Variants in SLC24A4 observed in about 807,000 individuals in gnomAD.
SLC24A4 encodes solute carrier family 24 member 4.
In SLC24A4, 53 loss-of-function variants were observed where a neutral mutation model predicts 79.0. The observed-to-expected ratio is 0.67, with a 90% CI of 0.54 to 0.84. The LOEUF is 0.84. Among genes scored for constraint, SLC24A4 ranks in the 40% least tolerant of loss-of-function variants. SLC24A4 has a pLI of 0.00. For missense variants in SLC24A4, 731 were observed against 822.0 expected, an observed-to-expected ratio of 0.89 and a Z score of 1.35; for synonymous variants, 323 against 323.8, an observed-to-expected ratio of 1.00 and a Z score of 0.03.
At chr14:92,327,966 T>G (rs1885245783) in intron 2 of SLC24A4, among the ~76,000 whole-genome samples, 1 of 152,256 alleles carries the variant, frequency 6.6e-6, no homozygotes, top group Non-Finnish European at 1.5e-5. Flanking sequence ...AATGATGGAA[T>G]GAAAGTGCAT....
At chr14:92,445,107 C>G (rs906661975) in intron 7 of SLC24A4, among the ~76,000 whole-genome samples, 1 of 152,158 alleles carries the variant, frequency 6.6e-6, no homozygotes, top group Non-Finnish European at 1.5e-5. Context: ...CTGGGGGTGG[C>G]CATGCTAAGC....
At chr14:92,484,852 T>C (rs1895267712) in intron 13 of SLC24A4, 1 of 985,450 alleles carries the variant, frequency 1.0e-6, no homozygotes, top group Non-Finnish European at 1.2e-6. Flanking sequence ...GATTACCTGG[T>C]AACAGTCAGA....
At chr14:92,474,825 A>ATGTGTGTGTG (rs762949686) in intron 12 of SLC24A4, among the ~76,000 whole-genome samples, 829 of 31,674 alleles carry the variant, frequency 0.026, 36 homozygotes, top group African/African-American at 0.067. Flanking sequence ...ATATATACAT[A>ATGTGTGTGTG]TATATGTGTG....
At chr14:92,469,785 A>G (rs1423352318) in intron 12 of SLC24A4, among the ~76,000 whole-genome samples, 1 of 152,208 alleles carries the variant, frequency 6.6e-6, no homozygotes, top group East Asian at 1.9e-4. Flanking sequence ...AGCCTAGGAA[A>G]TATATGCTCA....
intron 2 of SLC24A4, among the ~76,000 whole-genome samples, chr14:92,409,738 A>C (rs28489606): frequency 0.11 from 16,082 of 152,148 alleles, 1,557 homozygotes; most frequent in African/African-American, 0.25. Context: ...TATGCACACA[A>C]GTCTTTATTG....
chr14:92,448,673 G>A (rs1162796790), intron 9 of SLC24A4, among the ~76,000 whole-genome samples: 2 of 152,170 alleles, frequency 1.3e-5, no homozygotes, highest in East Asian at 3.9e-4. Flanking sequence ...TGCAGGAGGT[G>A]CCCGTGAGCA....
intron 2 of SLC24A4, among the ~76,000 whole-genome samples, chr14:92,360,601 T>C (rs1887452479): frequency 6.6e-6 from 1 of 152,254 alleles, no homozygotes; most frequent in Admixed American, 6.5e-5. Context: ...CCTGTATACA[T>C]GCGTCCATTT....
At chr14:92,488,139 T>A (rs1895480953) in intron 14 of SLC24A4, among the ~76,000 whole-genome samples, 1 of 150,724 alleles carries the variant, frequency 6.6e-6, no homozygotes, top group African/African-American at 2.4e-5. Flanking sequence ...TGGCGTGATC[T>A]CGGCTTACTG....
chr14:92,378,620 ATGTGGACTGACAG>A (rs1487787804), intron 2 of SLC24A4, among the ~76,000 whole-genome samples: 5 of 152,224 alleles, frequency 3.3e-5, no homozygotes, highest in Non-Finnish European at 7.3e-5. Context: ...TTTGTCAGAT[ATGTGGACTGACAG>A]TGTCTCCTTA....
chr14:92,420,259 A>G (rs964969418), intron 2 of SLC24A4, among the ~76,000 whole-genome samples: 1 of 152,204 alleles, frequency 6.6e-6, no homozygotes, highest in Admixed American at 6.5e-5. Flanking sequence ...AGGCAGGTGG[A>G]TCATGAGGTC....
At chr14:92,393,854 T>TA (rs975542154) in intron 2 of SLC24A4, among the ~76,000 whole-genome samples, 1 of 151,768 alleles carries the variant, frequency 6.6e-6, no homozygotes, top group Admixed American at 6.6e-5. Context: ...CTACTAAAAA[T>TA]ACAAAAATTA....
At chr14:92,405,153 G>A (rs1297963039) in intron 2 of SLC24A4, among the ~76,000 whole-genome samples, 2 of 152,038 alleles carry the variant, frequency 1.3e-5, no homozygotes, top group Non-Finnish European at 1.5e-5. Flanking sequence ...ACCTCTCTGT[G>A]CCCTTGACTC....
chr14:92,443,633 C>T (rs948392410), intron 7 of SLC24A4, among the ~76,000 whole-genome samples, 159 bp downstream of exon 7: 1 of 152,176 alleles, frequency 6.6e-6, no homozygotes, highest in Non-Finnish European at 1.5e-5. Context: ...TGACCAGCGC[C>T]CCGACCCCCA....
intron 2 of SLC24A4, among the ~76,000 whole-genome samples, chr14:92,388,578 C>G (rs1889296952): frequency 6.6e-6 from 1 of 152,214 alleles, no homozygotes; most frequent in Non-Finnish European, 1.5e-5. Flanking sequence ...CTCGCTGTCT[C>G]TGTTGGGGTG....
chr14:92,383,573 C>T (rs1322712897), intron 2 of SLC24A4, among the ~76,000 whole-genome samples: 1 of 152,212 alleles, frequency 6.6e-6, no homozygotes, highest in African/African-American at 2.4e-5. Context: ...TCCCCCCTGG[C>T]TGCAGCTCAA....
intron 8 of SLC24A4, among the ~76,000 whole-genome samples, chr14:92,445,986 C>G (rs1231675516): frequency 6.6e-6 from 1 of 152,154 alleles, no homozygotes; most frequent in Non-Finnish European, 1.5e-5. Flanking sequence ...GGCTTGCGCC[C>G]AGGAGTTTGA....
intron 7 of SLC24A4, 27 bp downstream of exon 7, chr14:92,443,501 C>T: frequency 3.1e-6 from 5 of 1,613,016 alleles, no homozygotes; most frequent in Non-Finnish European, 4.2e-6. Context: ...CCCCCAAGGT[C>T]AGGTTGGCTG....
At chr14:92,324,377 C>T (rs1417853441) in intron 1 of SLC24A4, among the ~76,000 whole-genome samples, 1 of 152,242 alleles carries the variant, frequency 6.6e-6, no homozygotes, top group Non-Finnish European at 1.5e-5. Context: ...CGCCCCTGCC[C>T]TGGTTCAAAG....
At chr14:92,455,572 C>T (rs1222649712) in intron 11 of SLC24A4, among the ~76,000 whole-genome samples, 1 of 152,130 alleles carries the variant, frequency 6.6e-6, no homozygotes, top group Non-Finnish European at 1.5e-5. Context: ...TCAATGTTTA[C>T]AAAAGTCAGC....
Sources: allele counts gnomAD v4.1 joint callset (sites outside exome capture counted in the v4.1 genomes callset), GRCh38; gene constraint gnomAD v4.1.1; transcripts MANE v1.5; gene names NCBI Gene and HGNC (gene_info 2026-07-23, HGNC 2026-07-21).